The following LRRC4C variants were observed in gnomAD, a reference collection of about 807,000 sequenced individuals.
The protein encoded by LRRC4C is leucine rich repeat containing 4C, also known as leucine-rich repeat-containing protein 4C.
Under a neutral mutation model 33.6 loss-of-function variants are expected in LRRC4C, and 5 were observed. The ratio of observed to expected loss-of-function variants is 0.15; its 90% CI spans 0.08 to 0.31. The LOEUF is 0.31. Ranked by LOEUF, LRRC4C falls within the 10% of genes least tolerant of loss-of-function variation. The pLI, the probability that LRRC4C is intolerant of heterozygous loss-of-function variation, is 1.00. For synonymous variants in LRRC4C, 329 were observed against 302.0 expected (o/e 1.09, Z -0.93); for missense variants, 560 against 796.7 (o/e 0.70, Z 3.58).
chr11:41,145,657 A>G (rs1204403408), intron 1 of LRRC4C, among the ~76,000 whole-genome samples: 5 of 152,180 alleles, frequency 3.3e-5, no homozygotes, highest in Admixed American at 1.3e-4. Flanking sequence ...ATTCATGTAC[A>G]TAACGGCCTT....
chr11:41,060,858 T>G (rs1937705893), intron 1 of LRRC4C, among the ~76,000 whole-genome samples: 1 of 152,190 alleles, frequency 6.6e-6, no homozygotes, highest in Admixed American at 6.5e-5. Context: ...CTCTTATCCA[T>G]GCAGCCAATC....
At chr11:40,770,160 T>C (rs909051459) in intron 2 of LRRC4C, among the ~76,000 whole-genome samples, 4 of 152,280 alleles carry the variant, frequency 2.6e-5, no homozygotes, top group Admixed American at 1.3e-4. Context: ...GGGTAACTGA[T>C]AAAGGAAAAA....
At position 41,375,991 on chromosome 11, in the gene LRRC4C, G is replaced by A. The variant is rs570656815; in HGVS notation, c.-496+83440C>T. Among the ~76,000 whole-genome samples the A allele has an allele frequency of 1.5e-4, 23 of 151,866 alleles. 1 individual carries two copies. In the South Asian group the frequency reaches 4.6e-3, roughly 30 times the overall value. ...TGTGAAGACTTGGTATGAAAGATTG[G>A]AGAATTCACATATAAATTGATATTT... On this transcript the variant is annotated intron_variant, in intron 1 of 6. Coordinates refer to ENST00000528697, the MANE Select transcript of LRRC4C (RefSeq NM_001258419.2).
At chr11:40,425,694 C>G (rs1468460562) in intron 3 of LRRC4C, among the ~76,000 whole-genome samples, 1 of 152,158 alleles carries the variant, frequency 6.6e-6, no homozygotes, top group Non-Finnish European at 1.5e-5. Context: ...CATGAAATAA[C>G]CAGATCAGAT....
At chr11:40,753,727 T>C (rs954212110) in intron 2 of LRRC4C, among the ~76,000 whole-genome samples, 1 of 151,980 alleles carries the variant, frequency 6.6e-6, no homozygotes, top group Admixed American at 6.6e-5. Flanking sequence ...TGCGTCATAT[T>C]CTTTACACAT....
At position 41,363,093 on chromosome 11, in the gene LRRC4C, A is replaced by C. The variant is rs80021342; in HGVS notation, c.-496+96338T>G. Reference sequence around the variant, plus strand: ...TGAGTCCTGTCCATCATGATGTCACATCTCTGCATGGTAGCCAACTTGACA... The same window carrying C: ...TGAGTCCTGTCCATCATGATGTCACCTCTCTGCATGGTAGCCAACTTGACA... On this transcript the variant is annotated intron_variant, in intron 1 of 6. Transcript: ENST00000528697. Among the ~76,000 whole-genome samples, 1,424 of 152,232 alleles carry C rather than the reference A, an allele frequency of 9.4e-3. 23 individuals are homozygous for C. The highest frequency in any genetic ancestry group is 0.032 in the African/African-American group (1,343 of 41,522).
chr11:40,898,127 G>A (rs1444620860), intron 2 of LRRC4C, among the ~76,000 whole-genome samples: 1 of 152,008 alleles, frequency 6.6e-6, no homozygotes, highest in Non-Finnish European at 1.5e-5. Context: ...GGCCGAGGCG[G>A]GCAGATCACC....
intron 3 of LRRC4C, among the ~76,000 whole-genome samples, chr11:40,495,813 GTTTTTTTTTTTTTTTT>G (rs77683172): frequency 0.011 from 711 of 66,976 alleles, 19 homozygotes; most frequent in African/African-American, 0.023. Context: ...CAATAAACAT[GTTTTTTTTTTTTTTTT>G]TTTTTTTTTT....
At chr11:40,679,746 T>C (rs1447627434) in intron 2 of LRRC4C, among the ~76,000 whole-genome samples, 1 of 152,196 alleles carries the variant, frequency 6.6e-6, no homozygotes, top group Non-Finnish European at 1.5e-5. Flanking sequence ...TGAGGATGCC[T>C]GGATGCCCAG....
chr11:40,481,306 T>G (rs1422311776), intron 3 of LRRC4C, among the ~76,000 whole-genome samples: 1 of 152,152 alleles, frequency 6.6e-6, no homozygotes, highest in African/African-American at 2.4e-5. Context: ...ATATGCTTCC[T>G]TGTTTACAAT....
intron 3 of LRRC4C, among the ~76,000 whole-genome samples, chr11:40,330,388 C>T (rs1293961141): frequency 6.6e-6 from 1 of 152,048 alleles, no homozygotes; most frequent in Non-Finnish European, 1.5e-5. Flanking sequence ...TATTTTGATG[C>T]ATGTATACAA....
At chr11:41,362,373 TA>T (rs1162496193) in intron 1 of LRRC4C, among the ~76,000 whole-genome samples, 1 of 151,854 alleles carries the variant, frequency 6.6e-6, no homozygotes, top group Non-Finnish European at 1.5e-5. Context: ...GAAATAAAGG[TA>T]AAAAGGGCAA....
intron 3 of LRRC4C, among the ~76,000 whole-genome samples, chr11:40,564,929 C>T (rs11035927): frequency 6.6e-6 from 1 of 152,088 alleles, no homozygotes; most frequent in Non-Finnish European, 1.5e-5. Context: ...TTATTTGTTG[C>T]CCAACTGTAG....
chr11:40,904,134 T>C (rs955260397), intron 2 of LRRC4C, among the ~76,000 whole-genome samples: 21 of 152,084 alleles, frequency 1.4e-4, no homozygotes, highest in Non-Finnish European at 4.4e-5. Context: ...TTTCTTTCTG[T>C]TTTTGTTTTT....
intron 2 of LRRC4C, among the ~76,000 whole-genome samples, chr11:40,665,181 A>G (rs1021823884): frequency 1.3e-5 from 2 of 151,314 alleles, no homozygotes; most frequent in African/African-American, 4.9e-5. Flanking sequence ...AGGTGAATGA[A>G]TGCAGATTCC....
At chr11:40,501,656 A>G (rs1954778682) in intron 3 of LRRC4C, among the ~76,000 whole-genome samples, 1 of 152,096 alleles carries the variant, frequency 6.6e-6, no homozygotes, top group Non-Finnish European at 1.5e-5. Flanking sequence ...CCAAGTCCCT[A>G]GACTGCACAC....
At chr11:40,358,184 A>AAAATAAAT (rs71060956) in intron 3 of LRRC4C, among the ~76,000 whole-genome samples, 6 of 150,384 alleles carry the variant, frequency 4.0e-5, no homozygotes, top group South Asian at 2.1e-4. Context: ...CTCTGTCTCA[A>AAAATAAAT]AAATAAATAA....
intron 5 of LRRC4C, among the ~76,000 whole-genome samples, chr11:40,180,838 A>G (rs1390925464): frequency 1.3e-5 from 2 of 152,174 alleles, no homozygotes; most frequent in Non-Finnish European, 2.9e-5. Flanking sequence ...ATGATATGCT[A>G]TATTTTTTGT....
At position 40,727,853 on chromosome 11, in the gene LRRC4C, A is replaced by T. The variant is rs141183249; in HGVS notation, c.-406-79575T>A. Among the ~76,000 whole-genome samples, 1,414 of 152,220 alleles carry T rather than the reference A, an allele frequency of 9.3e-3. 9 individuals carry two copies. The highest frequency in any genetic ancestry group is 0.015 in the Non-Finnish European group (994 of 68,002). ...CACCTGAGTTCAGGAGTTTGAGACC[A>T]GCCTGGCCAACATGGCAAAACCCTA... On this transcript the variant is annotated intron_variant, in intron 2 of 6. Transcript: ENST00000528697.
Sources: gnomAD v4.1 joint callset for allele counts (sites outside exome capture counted in the v4.1 genomes callset) on GRCh38, gnomAD v4.1.1 for gene constraint, MANE v1.5 for transcripts, NCBI Gene and HGNC (gene_info 2026-07-23, HGNC 2026-07-21) for gene names.